CFAP251: variants seen among roughly 807,000 people sequenced by gnomAD.
CFAP251 encodes cilia- and flagella-associated protein 251.
CFAP251 carries 93 observed loss-of-function variants against 126.7 expected under a neutral mutation model. The ratio of observed to expected loss-of-function variants is 0.73; its 90% CI spans 0.62 to 0.87. The LOEUF (loss-of-function observed/expected upper bound fraction) is 0.87. Among genes scored for constraint, CFAP251 ranks in the 40% least tolerant of loss-of-function variants. The probability of loss-of-function intolerance (pLI) is 0.00; values close to 1 mark genes in which losing one functional copy is unlikely to be tolerated. For missense variants in CFAP251, 1,287 were observed against 1,389.2 expected, an observed-to-expected ratio of 0.93 and a Z score of 1.17; for synonymous variants, 503 against 506.9, an observed-to-expected ratio of 0.99 and a Z score of 0.10.
intron 17 of CFAP251, among the ~76,000 whole-genome samples, chr12:121,973,316 G>A (rs1882382323): frequency 6.6e-6 from 1 of 152,256 alleles, no homozygotes; most frequent in Admixed American, 6.5e-5. Context: ...TTCAGAAGGT[G>A]TATGGAAACA....
In CFAP251 at chr12:122,001,384, A is replaced by C. The variant is rs1593012006; in HGVS notation, c.3236-113A>C. The stretch of plus-strand genomic sequence containing the variant: ...ATTTTTTTTTCAATTGAGTAAAAGA[A>C]AAAAAAATAGTGGGATAATTCTCTT... On this transcript the variant is annotated intron_variant, in intron 20 of 21. Coordinates refer to ENST00000288912, the MANE Select transcript of CFAP251 (RefSeq NM_144668.6). 2.8e-6 allele frequency: 3 copies of C among 1,080,994 alleles called. No homozygotes were observed. The East Asian group carries it at 7.2e-5, about 26-fold the overall frequency. 67.0% of individuals were successfully genotyped at this position (1,080,994 alleles called of 1,614,324 possible).
At chr12:121,951,724 A>T (rs1175558056) in intron 9 of CFAP251, among the ~76,000 whole-genome samples, 194 bp downstream of exon 9, 1 of 152,006 alleles carries the variant, frequency 6.6e-6, no homozygotes, top group East Asian at 1.9e-4. Flanking sequence ...TGTTAAAAAT[A>T]ATTTTTTTTT....
chr12:121,960,555 G>A, intron 13 of CFAP251, 30 bp from the exon 14 acceptor site: 1 of 1,611,930 alleles, frequency 6.2e-7, no homozygotes, highest in Non-Finnish European at 8.5e-7. Context: ...CGTAAAATGG[G>A]ATAACTCCTT....
At chr12:121,934,172 C>T in intron 4 of CFAP251, 75 bp from the exon 5 acceptor site, 5 of 1,158,778 alleles carry the variant, frequency 4.3e-6, no homozygotes, top group Non-Finnish European at 6.2e-6. Context: ...CTGTGGGTCC[C>T]CGGCCTTTGC....
intron 19 of CFAP251, chr12:121,998,923 G>T (rs1429509174): frequency 6.7e-6 from 1 of 148,582 alleles, no homozygotes; most frequent in African/African-American, 2.5e-5. Flanking sequence ...AAAAAAGGGG[G>T]AAGTGGTGAG....
intron 19 of CFAP251, among the ~76,000 whole-genome samples, chr12:121,985,355 C>T (rs926967827): frequency 6.6e-5 from 10 of 151,578 alleles, no homozygotes; most frequent in Non-Finnish European, 1.5e-4. Context: ...CCAACATGGC[C>T]AAACCCCGTC....
chr12:121,929,163 A>T (rs1433551340), intron 3 of CFAP251, among the ~76,000 whole-genome samples: 1 of 151,916 alleles, frequency 6.6e-6, no homozygotes, highest in African/African-American at 2.4e-5. Context: ...TCTACTAAAA[A>T]TACAAAAATT....
At chr12:121,979,156 A>T (rs1281851650) in intron 19 of CFAP251, among the ~76,000 whole-genome samples, 1 of 152,150 alleles carries the variant, frequency 6.6e-6, no homozygotes, top group Admixed American at 6.5e-5. Context: ...GAAATTAGTT[A>T]TCAGAGCCCT....
intron 19 of CFAP251, among the ~76,000 whole-genome samples, chr12:121,977,695 C>T (rs936706330): frequency 2.0e-5 from 3 of 150,018 alleles, no homozygotes; most frequent in African/African-American, 7.4e-5. Context: ...GTGGCTCAGA[C>T]CTGTAATCCC....
chr12:121,928,650 ATATATACGTATATATATACG>A (rs1880529575), intron 3 of CFAP251, among the ~76,000 whole-genome samples: 3 of 32,540 alleles, frequency 9.2e-5, no homozygotes, highest in Non-Finnish European at 3.2e-4. Context: ...ATATATATAT[ATATATACGTATATATATACG>A]TATATATATA....
At chr12:121,920,482 C>T (rs1403325077) in intron 1 of CFAP251, among the ~76,000 whole-genome samples, 4 of 151,502 alleles carry the variant, frequency 2.6e-5, no homozygotes, top group African/African-American at 4.8e-5. Context: ...CTGCAAGCTC[C>T]GCCTCCCGGG....
At chr12:121,945,368 G>A (rs1881280325) in intron 7 of CFAP251, among the ~76,000 whole-genome samples, 1 of 150,898 alleles carries the variant, frequency 6.6e-6, no homozygotes, top group African/African-American at 2.4e-5. Context: ...TTTTGAGATG[G>A]AGTCTCATTC....
At chr12:121,932,070 C>A in intron 4 of CFAP251, 184 bp downstream of exon 4, 1 of 468,888 alleles carries the variant, frequency 2.1e-6, no homozygotes. Context: ...TGTTTCTAAT[C>A]AGAATCAACT....
Position 121,975,602 on chromosome 12 carries a change from AC to A in CFAP251, c.2925del (p.Arg976GlufsTer16). 6.2e-7 allele frequency: 1 copy of A among 1,604,480 alleles called. No individual in the cohort carries two copies. Among genetic ancestry groups the A allele is most frequent in the Admixed American group, 1.8e-5 (1 of 56,590 alleles). On this transcript the variant is annotated frameshift_variant, in exon 19 of 22. Transcript: ENST00000288912. LOFTEE classifies it high-confidence loss of function. ...CAGTCAAGGCATCGACACAATGGAG[AC>A]CAGAAAGGTGTCAGAACACATTTGC... ...LRSQGIDTME[T>X]RKVSEHICLS...
intron 19 of CFAP251, among the ~76,000 whole-genome samples, chr12:121,985,511 G>A (rs905275910): frequency 6.9e-6 from 1 of 145,940 alleles, no homozygotes; most frequent in African/African-American, 2.6e-5. Flanking sequence ...TCTCCAGCCT[G>A]GGCGACAGAG....
At chr12:121,981,021 C>T (rs1448199214) in intron 19 of CFAP251, among the ~76,000 whole-genome samples, 1 of 152,230 alleles carries the variant, frequency 6.6e-6, no homozygotes, top group Non-Finnish European at 1.5e-5. Context: ...GCCCAGCGCA[C>T]AGAGGTGCTT....
At chr12:121,964,330 G>T (rs1592990135) in intron 15 of CFAP251, among the ~76,000 whole-genome samples, 2 of 152,196 alleles carry the variant, frequency 1.3e-5, no homozygotes, top group Non-Finnish European at 2.9e-5. Flanking sequence ...CAGAATCATT[G>T]TGCATAGTTT....
At chr12:122,003,260 T>C (rs1260675101) in intron 21 of CFAP251, among the ~76,000 whole-genome samples, 1 of 152,182 alleles carries the variant, frequency 6.6e-6, no homozygotes, top group East Asian at 1.9e-4. Flanking sequence ...CCTTGTGTTT[T>C]TGGAAAATCC....
At chr12:121,952,838 A>G (rs935926737) in intron 9 of CFAP251, 1 of 152,214 alleles carries the variant, frequency 6.6e-6, no homozygotes, top group Admixed American at 6.5e-5. Flanking sequence ...TTTTTCATAA[A>G]TGAAAGTACT....
Sources: allele counts gnomAD v4.1 joint callset (sites outside exome capture counted in the v4.1 genomes callset), GRCh38; gene constraint gnomAD v4.1.1; transcripts MANE v1.5; gene names NCBI Gene and HGNC (gene_info 2026-07-23, HGNC 2026-07-21).